Variants in BDH1 observed in about 807,000 individuals in gnomAD.
BDH1 encodes D-beta-hydroxybutyrate dehydrogenase, mitochondrial.
BDH1 carries 30 observed loss-of-function variants against 33.1 expected under a neutral mutation model. The ratio of observed to expected loss-of-function variants is 0.91; its 90% CI spans 0.68 to 1.23. The LOEUF is 1.23. Among genes scored for constraint, BDH1 ranks in the 50% most tolerant of loss-of-function variants. The pLI is 0.00. For missense variants in BDH1, 443 were observed against 464.4 expected, an observed-to-expected ratio of 0.95 and a Z score of 0.42; for synonymous variants, 190 against 183.6, an observed-to-expected ratio of 1.03 and a Z score of -0.28.
chr3:197,533,235 C>CCT (rs1350945936), intron 4 of BDH1, among the ~76,000 whole-genome samples: 25 of 152,236 alleles, frequency 1.6e-4, no homozygotes, highest in African/African-American at 5.3e-4. Context: ...TTCTCGCCCC[C>CCT]CACCTAGGCC....
At chr3:197,537,015 G>T (rs1258572944) in intron 3 of BDH1, among the ~76,000 whole-genome samples, 1 of 152,020 alleles carries the variant, frequency 6.6e-6, no homozygotes, top group Non-Finnish European at 1.5e-5. Flanking sequence ...TTGAGACAGG[G>T]TCTCACTCTG....
Position 197,520,383 on chromosome 3 carries a change from G to C in BDH1, c.409+2257C>G, listed in dbSNP as rs549952293. Among the ~76,000 whole-genome samples the C allele has an allele frequency of 1.3e-5, 2 of 152,350 alleles. No homozygotes were observed. Among genetic ancestry groups the C allele is most frequent in the African/African-American group, 4.8e-5 (2 of 41,572 alleles). ...CGGCGTGGGAAAAGCAGCAGGGAAA[G>C]GTCTGCGCGTCAGGCTGGTGCTGGG... On this transcript the variant is annotated intron_variant, in intron 6 of 7. Transcript: ENST00000392379. This position sits in a 1 kb window ranked among gnomAD's most constrained non-coding sequence, Gnocchi z 6.0.
chr3:197,522,660 C>T lies in BDH1; in HGVS notation c.389G>A (p.Ser130Asn), dbSNP rs1260777168. ...CCTACCTTTCTCAGGGTCCTTCAGG[C>T]TCGAGCGGACAATCTCCACCACTTT... Reference protein sequence around the residue: ...VEKVVEIVRSSLKDPEKGMWG... With the variant: ...VEKVVEIVRSNLKDPEKGMWG... Residue 130 changes from serine to asparagine, a missense_variant, in exon 6 of 8, where the codon AGC (serine) becomes AAC (asparagine). Physicochemically the swap from Ser to Asn is conservative, Grantham distance 46. Transcript: ENST00000392379. This position sits in a 1 kb window ranked among gnomAD's most constrained non-coding sequence, Gnocchi z 4.8. The T allele has an allele frequency of 6.2e-7, 1 of 1,614,214 alleles. No individual in the cohort carries two copies. Among genetic ancestry groups the T allele is most frequent in the South Asian group, 1.1e-5 (1 of 91,084 alleles).
chr3:197,535,730 C>A (rs556082186), intron 3 of BDH1, among the ~76,000 whole-genome samples: 79 of 152,262 alleles, frequency 5.2e-4, no homozygotes, highest in Non-Finnish European at 9.4e-4. Context: ...CAAAGATTTT[C>A]TTCTATGTTC....
At chr3:197,532,801 G>A (rs1267484755) in intron 4 of BDH1, among the ~76,000 whole-genome samples, 4 of 152,196 alleles carry the variant, frequency 2.6e-5, no homozygotes, top group Non-Finnish European at 4.4e-5. Context: ...AGAAACAGAG[G>A]TCTTTTTAAA....
At chr3:197,563,918 A>G (rs746409170) in intron 1 of BDH1, among the ~76,000 whole-genome samples, 16 of 152,042 alleles carry the variant, frequency 1.1e-4, no homozygotes, top group Non-Finnish European at 1.3e-4. Context: ...CCTGGTCAAC[A>G]TGGTAAAATC....
intron 3 of BDH1, chr3:197,543,216 C>T (rs1220930134): frequency 1.0e-6 from 1 of 980,282 alleles, no homozygotes; most frequent in African/African-American, 1.8e-5. Flanking sequence ...AGGTGCAGCT[C>T]GGGAGAAATA....
intron 2 of BDH1, among the ~76,000 whole-genome samples, chr3:197,549,254 T>C (rs2108761790): frequency 6.6e-6 from 1 of 152,266 alleles, no homozygotes; most frequent in East Asian, 1.9e-4. Flanking sequence ...CAACCTGGAA[T>C]CTTGGAGACA....
At chr3:197,567,265 A>C (rs971039693) in intron 1 of BDH1, among the ~76,000 whole-genome samples, 2 of 152,218 alleles carry the variant, frequency 1.3e-5, no homozygotes, top group African/African-American at 4.8e-5. Context: ...GGAAACGTGA[A>C]AGGAAGATAA....
chr3:197,540,919 C>T (rs1715564702), intron 3 of BDH1, among the ~76,000 whole-genome samples: 1 of 152,158 alleles, frequency 6.6e-6, no homozygotes, highest in Non-Finnish European at 1.5e-5. Flanking sequence ...AATACCCTGA[C>T]AAGGTGGGTA....
chr3:197,562,538 A>C (rs886845596), intron 1 of BDH1, among the ~76,000 whole-genome samples: 2 of 152,136 alleles, frequency 1.3e-5, no homozygotes, highest in Non-Finnish European at 1.5e-5. Context: ...CCCCAGAAAA[A>C]TTTAATTTTA....
chr3:197,547,479 G>A (rs965765847), intron 2 of BDH1, among the ~76,000 whole-genome samples: 4 of 152,230 alleles, frequency 2.6e-5, no homozygotes, highest in Non-Finnish European at 4.4e-5. Flanking sequence ...AGCAACCACT[G>A]CCATGCACTC....
intron 1 of BDH1, among the ~76,000 whole-genome samples, chr3:197,569,737 TC>T (rs1430756280): frequency 6.6e-6 from 1 of 152,186 alleles, no homozygotes; most frequent in African/African-American, 2.4e-5. Context: ...TTGTGAGGCC[TC>T]CCCAGCCATG....
intron 1 of BDH1, 155 bp downstream of exon 1, chr3:197,555,626 T>C (rs2567342): frequency 0.31 from 46,924 of 152,226 alleles, 7,537 homozygotes; most frequent in African/African-American, 0.37. Context: ...CTTACCCCGC[T>C]GCGGCCGCAG....
At position 197,548,108 on chromosome 3, in the gene BDH1, G is replaced by A. The variant is rs551288479; in HGVS notation, c.-43-1622C>T. Among the ~76,000 whole-genome samples, 531 of 152,354 alleles carry A rather than the reference G, an allele frequency of 3.5e-3. 8 individuals are homozygous for A. The highest frequency in any genetic ancestry group is 5.6e-3 in the Non-Finnish European group (379 of 68,030). The stretch of plus-strand genomic sequence containing the variant: ...CTCTGAGTCCCTGGGGAGTGGATGG[G>A]AGCTGAGCGGGCTCCCGCAGGGCAG... On this transcript the variant is annotated intron_variant, in intron 2 of 7. Coordinates refer to ENST00000392379, the MANE Select transcript of BDH1 (RefSeq NM_203314.3).
intron 5 of BDH1, chr3:197,529,616 A>G (rs1208613652): frequency 6.6e-6 from 1 of 152,220 alleles, no homozygotes; most frequent in African/African-American, 2.4e-5. Context: ...TTTACATAAT[A>G]TACTTCTGTA....
chr3:197,511,704 C>T lies in BDH1; in HGVS notation c.*191G>A, dbSNP rs1315481867. On this transcript the variant is annotated 3_prime_UTR_variant, in exon 8 of 8. Coordinates refer to ENST00000392379, the MANE Select transcript of BDH1 (RefSeq NM_203314.3). ...AGAGGCCTCTGCCTGCCACTCCACA[C>T]CCTGTTTGTGAAGGCCCAAGTCACT... 1 of 555,056 alleles carries T rather than the reference C, an allele frequency of 1.8e-6. No homozygotes were observed. The highest frequency in any genetic ancestry group is 3.6e-5 in the Admixed American group (1 of 27,714). 34.4% of individuals were successfully genotyped at this position (555,056 alleles called of 1,614,324 possible).
Position 197,523,668 on chromosome 3 carries a change from G to A in BDH1, c.268-887C>T, listed in dbSNP as rs1278433799. ...TCATTCAGCCCCTGTTCCCAGAGTCGTGTTCTAGGGAAGGAGACAGGTGAG... is the reference window on the plus strand; with the variant it reads ...TCATTCAGCCCCTGTTCCCAGAGTCATGTTCTAGGGAAGGAGACAGGTGAG... On this transcript the variant is annotated intron_variant, in intron 5 of 7. Transcript: ENST00000392379. The surrounding 1 kb of genome is among the most constrained non-coding windows in gnomAD (Gnocchi z 4.5). Among the ~76,000 whole-genome samples, 7 of 152,134 alleles carry A rather than the reference G, an allele frequency of 4.6e-5. No homozygotes were observed. The highest frequency in any genetic ancestry group is 2.1e-4 in the South Asian group (1 of 4,828).
chr3:197,515,785 TC>T, intron 6 of BDH1: 1 of 935,716 alleles, frequency 1.1e-6, no homozygotes, highest in Non-Finnish European at 1.3e-6. Flanking sequence ...GCACCTGTAG[TC>T]CCAGCTACTC....
Sources: gnomAD v4.1 joint callset for allele counts (sites outside exome capture counted in the v4.1 genomes callset) on GRCh38, gnomAD v4.1.1 for gene constraint, Gnocchi (gnomAD v3.1) non-coding constraint, MANE v1.5 for transcripts, NCBI Gene and HGNC (gene_info 2026-07-23, HGNC 2026-07-21) for gene names.